The following DRC9 variants were observed in gnomAD, a reference collection of about 807,000 sequenced individuals.
DRC9 encodes the protein dynein regulatory complex protein 9.
At chr3:197,914,143 G>A in the DRC9 span, 1 of 956,652 alleles carries the variant, frequency 1.0e-6, no homozygotes, top group Non-Finnish European at 1.7e-6. Flanking sequence ...AAATCAATAA[G>A]GAACTGGAAC....
At chr3:197,913,969 C>T in the DRC9 span, 2 of 1,613,918 alleles carry the variant, frequency 1.2e-6, no homozygotes, top group Non-Finnish European at 1.7e-6. Flanking sequence ...TTTCATGTAG[C>T]GATTCTCCAA....
the DRC9 span, among the ~76,000 whole-genome samples, chr3:197,899,532 G>A: frequency 6.6e-6 from 1 of 152,024 alleles, no homozygotes; most frequent in Non-Finnish European, 1.5e-5. Flanking sequence ...GACCAGCCTG[G>A]GCAACACAGT....
chr3:197,951,038 C>T, the DRC9 span: 2 of 1,602,948 alleles, frequency 1.2e-6, no homozygotes, highest in African/African-American at 2.7e-5. Flanking sequence ...TAAATGCGAG[C>T]TTAAAATTGG....
the DRC9 span, among the ~76,000 whole-genome samples, chr3:197,927,313 G>A: frequency 1.3e-5 from 2 of 152,230 alleles, no homozygotes; most frequent in African/African-American, 4.8e-5. Flanking sequence ...TGCAACCTCC[G>A]CCTCCCGGGT....
At chr3:197,907,038 A>G in the DRC9 span, among the ~76,000 whole-genome samples, 2 of 152,084 alleles carry the variant, frequency 1.3e-5, no homozygotes, top group Non-Finnish European at 2.9e-5. Flanking sequence ...TGCCCACCTT[A>G]TCTCTGACAA....
the DRC9 span, among the ~76,000 whole-genome samples, chr3:197,940,714 A>G: frequency 1.3e-5 from 2 of 152,248 alleles, no homozygotes; most frequent in African/African-American, 2.4e-5. Context: ...GAACAACTAT[A>G]GTACCATGAA....
At chr3:197,942,575 A>T in the DRC9 span, among the ~76,000 whole-genome samples, 1 of 151,974 alleles carries the variant, frequency 6.6e-6, no homozygotes, top group Non-Finnish European at 1.5e-5. Context: ...AAAGCAATTT[A>T]CCCTCTTATT....
At chr3:197,922,491 AG>A in the DRC9 span, among the ~76,000 whole-genome samples, 1 of 152,120 alleles carries the variant, frequency 6.6e-6, no homozygotes. Flanking sequence ...GGATCACCTG[AG>A]GTCAGAAGTT....
the DRC9 span, chr3:197,951,475 C>G: frequency 1.0e-4 from 76 of 724,830 alleles, no homozygotes; most frequent in Non-Finnish European, 1.6e-4. Flanking sequence ...GTCTCAGCCT[C>G]CCGAGTAGCT....
chr3:197,954,774 C>A, the DRC9 span, among the ~76,000 whole-genome samples: 3 of 152,160 alleles, frequency 2.0e-5, no homozygotes, highest in African/African-American at 7.2e-5. Context: ...TCCCAGAGTG[C>A]TGGGATTATA....
At chr3:197,898,016 C>T in the DRC9 span, among the ~76,000 whole-genome samples, 43 of 151,180 alleles carry the variant, frequency 2.8e-4, no homozygotes, top group Non-Finnish European at 5.3e-4. Context: ...CTCCTGACCT[C>T]GTGATCCACC....
chr3:197,920,098 A>T, the DRC9 span, among the ~76,000 whole-genome samples: 1 of 151,848 alleles, frequency 6.6e-6, no homozygotes, highest in Admixed American at 6.6e-5. Flanking sequence ...AATCTCAGCT[A>T]CTTGGGAGGG....
chr3:197,890,416 AAAG>A, the DRC9 span, among the ~76,000 whole-genome samples: 4 of 151,440 alleles, frequency 2.6e-5, no homozygotes, highest in African/African-American at 7.4e-5. Flanking sequence ...AAAAAAAAAA[AAAG>A]AAAAGCACAG....
chr3:197,941,216 T>C, the DRC9 span, among the ~76,000 whole-genome samples: 178 of 131,832 alleles, frequency 1.4e-3, no homozygotes, highest in African/African-American at 5.0e-3. Flanking sequence ...TTCCCTTCCT[T>C]CCTCCCTCCC....
the DRC9 span, among the ~76,000 whole-genome samples, chr3:197,942,014 A>G: frequency 6.6e-6 from 1 of 152,164 alleles, no homozygotes; most frequent in African/African-American, 2.4e-5. Context: ...GTTAACTTAC[A>G]TTATACAATT....
At chr3:197,917,139 A>G in the DRC9 span, among the ~76,000 whole-genome samples, 11 of 152,174 alleles carry the variant, frequency 7.2e-5, no homozygotes, top group Non-Finnish European at 7.3e-5. Context: ...AACACAGTGA[A>G]AACCTGTCTC....
the DRC9 span, among the ~76,000 whole-genome samples, chr3:197,890,362 G>A: frequency 1.3e-5 from 2 of 151,078 alleles, no homozygotes; most frequent in Admixed American, 6.6e-5. Flanking sequence ...CAGAGATTGC[G>A]CCACTGCACT....
the DRC9 span, chr3:197,889,640 A>G: frequency 7.4e-6 from 12 of 1,614,060 alleles, no homozygotes; most frequent in Admixed American, 1.7e-5. Context: ...AATCCTTGCT[A>G]TCAACTTTGT....
the DRC9 span, among the ~76,000 whole-genome samples, chr3:197,942,437 C>A: frequency 3.2e-4 from 25 of 76,956 alleles, no homozygotes; most frequent in African/African-American, 4.7e-4. Context: ...GTATATATAA[C>A]AATAATAATT....
Sources: gnomAD v4.1 joint callset for allele counts (sites outside exome capture counted in the v4.1 genomes callset) on GRCh38, gnomAD v4.1.1 for gene constraint, MANE v1.5 for transcripts, NCBI Gene and HGNC (gene_info 2026-07-23, HGNC 2026-07-21) for gene names.